The following PCBP3 variants were observed in gnomAD, a reference collection of about 807,000 sequenced individuals.
The protein encoded by PCBP3 is poly(rC)-binding protein 3.
In PCBP3, 25 loss-of-function variants were observed where a neutral mutation model predicts 52.7. The observed-to-expected ratio is 0.47, with a 90% CI of 0.35 to 0.66. The LOEUF is 0.66. Ranked by LOEUF, PCBP3 falls within the 30% of genes least tolerant of loss-of-function variation. The pLI, the probability that PCBP3 is intolerant of heterozygous loss-of-function variation, is 0.01. For synonymous variants in PCBP3, 162 were observed against 183.0 expected (o/e 0.89, Z 0.93); for missense variants, 391 against 490.3 (o/e 0.80, Z 1.91).
intron 2 of PCBP3, among the ~76,000 whole-genome samples, chr21:45,698,887 T>C (rs547957906): frequency 6.6e-6 from 1 of 152,338 alleles, no homozygotes; most frequent in Admixed American, 6.5e-5. Context: ...GGGTGTGTTC[T>C]TAGCCAGTCT....
chr21:45,758,944 C>T (rs1009182041), intron 4 of PCBP3, among the ~76,000 whole-genome samples: 8 of 152,110 alleles, frequency 5.3e-5, no homozygotes, highest in Non-Finnish European at 1.2e-4. Flanking sequence ...TTATCTACAT[C>T]AATTAAAATA....
intron 3 of PCBP3, among the ~76,000 whole-genome samples, chr21:45,740,796 G>C (rs549477076): frequency 6.6e-6 from 1 of 152,284 alleles, no homozygotes; most frequent in Admixed American, 6.5e-5. Flanking sequence ...TGTTATATGT[G>C]TGTGTGTTGA....
intron 1 of PCBP3, among the ~76,000 whole-genome samples, chr21:45,660,351 C>T (rs1569086861): frequency 1.3e-5 from 2 of 151,666 alleles, no homozygotes; most frequent in Admixed American, 1.3e-4. Flanking sequence ...CTTATTTGTT[C>T]GTTGTATTTA....
At chr21:45,935,378 C>A (rs748721128) in intron 16 of PCBP3, 73 bp downstream of exon 16, 2 of 1,135,418 alleles carry the variant, frequency 1.8e-6, no homozygotes, top group South Asian at 2.6e-5. Context: ...GCTCTGCTGT[C>A]CTTTGGGCAG....
chr21:45,722,280 G>A (rs1236179899), intron 2 of PCBP3, among the ~76,000 whole-genome samples: 1 of 152,186 alleles, frequency 6.6e-6, no homozygotes, highest in Admixed American at 6.5e-5. Flanking sequence ...TAAAATGTAA[G>A]TGGATATATG....
At chr21:45,913,693 G>A (rs957099273) in intron 11 of PCBP3, among the ~76,000 whole-genome samples, 2 of 152,216 alleles carry the variant, frequency 1.3e-5, no homozygotes, top group African/African-American at 2.4e-5. Flanking sequence ...TCAGGAGGCC[G>A]GTGTGTGGCA....
intron 4 of PCBP3, among the ~76,000 whole-genome samples, chr21:45,843,938 A>T (rs2093751290): frequency 6.6e-6 from 1 of 152,026 alleles, no homozygotes; most frequent in African/African-American, 2.4e-5. Flanking sequence ...TTTGTGGGGT[A>T]TACTTGTGTG....
intron 1 of PCBP3, among the ~76,000 whole-genome samples, chr21:45,665,691 G>C (rs143623589): frequency 6.6e-6 from 1 of 152,244 alleles, no homozygotes; most frequent in African/African-American, 2.4e-5. Flanking sequence ...TACCAGATGT[G>C]TAAAGAAGAA....
rs143452972 is a variant in PCBP3 at position 45,895,748 on chromosome 21, C to T, written c.11-460C>T. On this transcript the variant is annotated intron_variant, in intron 5 of 17. Coordinates refer to ENST00000681687, the MANE Select transcript of PCBP3 (RefSeq NM_001384156.1). ...GGGGATGAGGATGGCAGGCTTGGGA[C>T]GTGAAGGGCCGGCTCCCACACCCTG... is the stretch of plus-strand genomic sequence containing the variant. Among the ~76,000 whole-genome samples, 631 of 152,330 alleles carry T rather than the reference C, an allele frequency of 4.1e-3. 4 individuals carry two copies. The highest frequency in any genetic ancestry group is 0.015 in the African/African-American group (608 of 41,580).
At chr21:45,760,832 T>C (rs753222595) in intron 4 of PCBP3, 1 of 152,232 alleles carries the variant, frequency 6.6e-6, no homozygotes, top group Non-Finnish European at 1.5e-5. Flanking sequence ...ATGCCTGTAA[T>C]CCCAGCACTT....
At chr21:45,814,754 TG>T (rs2092807459) in intron 4 of PCBP3, among the ~76,000 whole-genome samples, 1 of 120,066 alleles carries the variant, frequency 8.3e-6, no homozygotes, top group Non-Finnish European at 1.8e-5. Context: ...GAGTGATGAG[TG>T]AGTGGTGAGT....
chr21:45,889,294 T>A (rs2095597422), intron 5 of PCBP3, among the ~76,000 whole-genome samples: 1 of 152,184 alleles, frequency 6.6e-6, no homozygotes, highest in Admixed American at 6.5e-5. Flanking sequence ...GCCTCTGATT[T>A]GCCTTCCTCC....
chr21:45,762,481 C>CTTCTCTTTTT (rs1440812461), intron 4 of PCBP3: 2 of 106,004 alleles, frequency 1.9e-5, no homozygotes, highest in Admixed American at 1.0e-4. Flanking sequence ...TTTTTCTTTT[C>CTTCTCTTTTT]TTTTCTTCTC....
intron 4 of PCBP3, among the ~76,000 whole-genome samples, chr21:45,835,879 G>A (rs532987168): frequency 6.6e-6 from 1 of 151,266 alleles, no homozygotes; most frequent in East Asian, 1.9e-4. Flanking sequence ...CCAGTGTCAC[G>A]GCAGCCCCAG....
chr21:45,702,165 A>G (rs972598538), intron 2 of PCBP3, among the ~76,000 whole-genome samples: 35 of 152,206 alleles, frequency 2.3e-4, no homozygotes, highest in African/African-American at 7.7e-4. Context: ...TAGTTGCAAC[A>G]TGGAGTCTGA....
At chr21:45,906,112 C>T (rs1321092273) in intron 9 of PCBP3, among the ~76,000 whole-genome samples, 1 of 152,164 alleles carries the variant, frequency 6.6e-6, no homozygotes, top group African/African-American at 2.4e-5. Flanking sequence ...GCGTGACTGT[C>T]CAAGTTCATC....
In PCBP3 at chr21:45,901,123, A is replaced by AC; in HGVS notation, c.339+14dup. The AC allele has an allele frequency of 6.4e-7, 1 of 1,568,262 alleles. No homozygotes were observed. The highest frequency in any genetic ancestry group is 2.2e-5 in the East Asian group (1 of 44,652). ...ATACAAGTTTGAGGAGGTAACCTGC[A>AC]CCCCAGGCACCTCTGCCAGCCTGGC... On this transcript the variant is annotated intron_variant, in intron 9 of 17. Transcript: ENST00000681687.
Position 45,678,172 on chromosome 21 carries a change from T to C in PCBP3, c.-200+9220T>C, listed in dbSNP as rs190380777. Among the ~76,000 whole-genome samples the C allele has an allele frequency of 2.0e-3, 310 of 151,976 alleles. 1 individual carries two copies. The highest frequency in any genetic ancestry group is 7.2e-3 in the African/African-American group (298 of 41,454). ...CTGGCTAACACGGTGAAACCCCGTCTCTACTAAAAATACAAAAAAATTACT... is the reference window on the plus strand; with the variant it reads ...CTGGCTAACACGGTGAAACCCCGTCCCTACTAAAAATACAAAAAAATTACT... On this transcript the variant is annotated intron_variant, in intron 2 of 17. Coordinates refer to ENST00000681687, the MANE Select transcript of PCBP3 (RefSeq NM_001384156.1).
intron 4 of PCBP3, among the ~76,000 whole-genome samples, chr21:45,846,724 G>A (rs1395025349): frequency 6.6e-6 from 1 of 152,218 alleles, no homozygotes; most frequent in Non-Finnish European, 1.5e-5. Context: ...CCGCGCACTG[G>A]GTCCTCCGGC....
Sources: allele counts gnomAD v4.1 joint callset (sites outside exome capture counted in the v4.1 genomes callset), GRCh38; gene constraint gnomAD v4.1.1; transcripts MANE v1.5; gene names NCBI Gene and HGNC (gene_info 2026-07-23, HGNC 2026-07-21).